The following DLG2 variants were observed in gnomAD, a reference collection of about 807,000 sequenced individuals.
DLG2 encodes discs large MAGUK scaffold protein 2, also known as disks large homolog 2.
A neutral mutation model predicts 132.5 loss-of-function variants in DLG2; 45 were observed. That is an observed-to-expected ratio of 0.34 (90% CI 0.27 to 0.44). The LOEUF is 0.44. Among genes scored for constraint, DLG2 ranks in the 20% least tolerant of loss-of-function variants. The probability of loss-of-function intolerance (pLI) is 1.00; values close to 1 mark genes in which losing one functional copy is unlikely to be tolerated. For missense variants in DLG2, 1,045 were observed against 1,196.9 expected, an observed-to-expected ratio of 0.87 and a Z score of 1.87; for synonymous variants, 424 against 419.6, an observed-to-expected ratio of 1.01 and a Z score of -0.13.
At chr11:85,395,995 G>A (rs2087319526) in intron 3 of DLG2, among the ~76,000 whole-genome samples, 1 of 152,158 alleles carries the variant, frequency 6.6e-6, no homozygotes, top group South Asian at 2.1e-4. Context: ...TAGCCTGACT[G>A]GGAAACACCT....
intron 3 of DLG2, among the ~76,000 whole-genome samples, chr11:85,285,608 C>A (rs553038798): frequency 6.6e-6 from 1 of 152,008 alleles, no homozygotes; most frequent in East Asian, 1.9e-4. Flanking sequence ...AGTGAATAAA[C>A]TGTAGTAAAT....
chr11:84,702,952 G>T (rs924191400), intron 6 of DLG2, among the ~76,000 whole-genome samples: 4 of 151,576 alleles, frequency 2.6e-5, no homozygotes, highest in African/African-American at 9.7e-5. Context: ...AAAAGTAAAT[G>T]AACTAATAAT....
intron 6 of DLG2, among the ~76,000 whole-genome samples, chr11:84,570,981 C>T (rs1355636319): frequency 6.6e-6 from 1 of 152,034 alleles, no homozygotes; most frequent in East Asian, 1.9e-4. Flanking sequence ...AAAGTATTTG[C>T]TAAAATTAGA....
At chr11:85,101,954 A>T (rs2070915245) in intron 6 of DLG2, among the ~76,000 whole-genome samples, 1 of 151,996 alleles carries the variant, frequency 6.6e-6, no homozygotes, top group Non-Finnish European at 1.5e-5. Flanking sequence ...AATAAATAAG[A>T]TGAGATTAGC....
At chr11:83,909,733 T>C (rs989160584) in intron 15 of DLG2, among the ~76,000 whole-genome samples, 1 of 152,192 alleles carries the variant, frequency 6.6e-6, no homozygotes, top group African/African-American at 2.4e-5. Context: ...TTAATTGTTA[T>C]GCTTCATCAA....
intron 3 of DLG2, among the ~76,000 whole-genome samples, chr11:85,352,091 G>A (rs111479875): frequency 6.6e-6 from 1 of 152,170 alleles, no homozygotes; most frequent in Non-Finnish European, 1.5e-5. Context: ...TTCAGAGCCT[G>A]TTATTGGTCT....
chr11:84,373,249 C>CAAAAAAAAAAACAAAAAAAAAAAAAAA (rs1459550146), intron 7 of DLG2, among the ~76,000 whole-genome samples: 6 of 41,666 alleles, frequency 1.4e-4, no homozygotes, highest in African/African-American at 8.0e-4. Flanking sequence ...AAGAAACAGT[C>CAAAAAAAAAAACAAAAAAAAAAAAAAA]AAAAAAAAAA....
intron 19 of DLG2, among the ~76,000 whole-genome samples, chr11:83,546,081 C>G (rs891057243): frequency 2.0e-5 from 3 of 152,142 alleles, no homozygotes; most frequent in Non-Finnish European, 2.9e-5. Flanking sequence ...TCTCCCATCC[C>G]TCCTACCCCT....
intron 6 of DLG2, among the ~76,000 whole-genome samples, chr11:84,782,193 A>G (rs2071928387): frequency 6.6e-6 from 1 of 152,090 alleles, no homozygotes; most frequent in Admixed American, 6.6e-5. Flanking sequence ...CCACACTCCA[A>G]GATACTATCC....
intron 7 of DLG2, among the ~76,000 whole-genome samples, chr11:84,523,888 T>C (rs2099312168): frequency 6.6e-6 from 1 of 152,180 alleles, no homozygotes; most frequent in Admixed American, 6.5e-5. Flanking sequence ...AACCTAATAT[T>C]TCTTAGAAAA....
intron 6 of DLG2, among the ~76,000 whole-genome samples, chr11:84,798,799 C>T (rs1598379879): frequency 6.6e-6 from 1 of 152,160 alleles, no homozygotes; most frequent in African/African-American, 2.4e-5. Context: ...CATATACTGC[C>T]AGGACTACAT....
rs1404988469 is a variant in DLG2, at chr11:84,447,756, C to A, written c.519+86814G>T. Reference sequence around the variant, plus strand: ...TGTAAGAACAAAAACTCAAATGGGTCCTAAACTTATATAGTAGATCTGAAT... The same window carrying A: ...TGTAAGAACAAAAACTCAAATGGGTACTAAACTTATATAGTAGATCTGAAT... On this transcript the variant is annotated intron_variant, in intron 7 of 27. Transcript: ENST00000376104. Among the ~76,000 whole-genome samples, 3 of 151,996 alleles carry A rather than the reference C, an allele frequency of 2.0e-5. No individual in the cohort carries two copies. The South Asian group carries it at 6.2e-4, about 32-fold the overall frequency.
At chr11:84,464,251 G>T (rs115562433) in intron 7 of DLG2, among the ~76,000 whole-genome samples, 6 of 151,190 alleles carry the variant, frequency 4.0e-5, no homozygotes, top group African/African-American at 1.4e-4. Flanking sequence ...TATCAACAGA[G>T]AATAATATGT....
intron 7 of DLG2, among the ~76,000 whole-genome samples, chr11:84,342,104 G>T (rs2098517765): frequency 6.6e-6 from 1 of 151,684 alleles, no homozygotes; most frequent in Non-Finnish European, 1.5e-5. Context: ...GCACCCTTGG[G>T]CCAGAGGCCT....
intron 6 of DLG2, among the ~76,000 whole-genome samples, chr11:85,057,467 C>T (rs374912265): frequency 6.6e-5 from 10 of 151,394 alleles, no homozygotes; most frequent in East Asian, 3.9e-4. Context: ...TTACCAAAAC[C>T]AATACAAGAG....
intron 6 of DLG2, among the ~76,000 whole-genome samples, chr11:84,809,468 A>G (rs1413888492): frequency 6.6e-6 from 1 of 151,846 alleles, no homozygotes; most frequent in East Asian, 1.9e-4. Context: ...AAAGAAAGAA[A>G]TAAGACTGTT....
intron 7 of DLG2, among the ~76,000 whole-genome samples, chr11:84,510,282 T>A (rs1000271591): frequency 6.6e-6 from 1 of 152,042 alleles, no homozygotes; most frequent in Non-Finnish European, 1.5e-5. Flanking sequence ...TAGATGATTT[T>A]AAATTTTTAT....
chr11:84,800,162 T>C (rs1410170205), intron 6 of DLG2, among the ~76,000 whole-genome samples: 2 of 152,128 alleles, frequency 1.3e-5, no homozygotes, highest in African/African-American at 4.8e-5. Context: ...TAAGACCCAA[T>C]ACACAGCAAC....
At chr11:84,294,324 T>C (rs898323243) in intron 7 of DLG2, among the ~76,000 whole-genome samples, 3 of 151,930 alleles carry the variant, frequency 2.0e-5, no homozygotes, top group African/African-American at 7.3e-5. Context: ...CTTGGCCAGG[T>C]GCAGTGGCTC....
Sources: allele counts gnomAD v4.1 joint callset (sites outside exome capture counted in the v4.1 genomes callset), GRCh38; gene constraint gnomAD v4.1.1; transcripts MANE v1.5; gene names NCBI Gene and HGNC (gene_info 2026-07-23, HGNC 2026-07-21).